NCS1: variants seen among roughly 807,000 people sequenced by gnomAD.
NCS1 encodes neuronal calcium sensor 1, also known as frequenin homolog.
NCS1 carries 6 observed loss-of-function variants against 28.4 expected under a neutral mutation model. That is an observed-to-expected ratio of 0.21 (90% CI 0.12 to 0.42). NCS1 has a LOEUF of 0.42. Among genes scored for constraint, NCS1 ranks in the 10% least tolerant of loss-of-function variants. The probability of loss-of-function intolerance (pLI) is 1.00; values close to 1 mark genes in which losing one functional copy is unlikely to be tolerated. For missense variants in NCS1, 131 were observed against 241.4 expected, an observed-to-expected ratio of 0.54 and a Z score of 3.03; for synonymous variants, 86 against 99.3, an observed-to-expected ratio of 0.87 and a Z score of 0.79.
chr9:130,199,631 C>G (rs1832916349), intron 1 of NCS1, among the ~76,000 whole-genome samples: 1 of 152,222 alleles, frequency 6.6e-6, no homozygotes. Flanking sequence ...GTGCCATCCT[C>G]CCTCCATGCT....
rs186245617 is a variant in NCS1 at position 130,173,578 on chromosome 9, T to A, written c.64+851T>A. Among the ~76,000 whole-genome samples, 273 of 152,170 alleles carry A rather than the reference T, an allele frequency of 1.8e-3. 1 individual carries two copies. Among genetic ancestry groups the A allele is most frequent in the African/African-American group, 6.4e-3 (267 of 41,532 alleles). ...CATACCAGGGGTTAATGGTAATGGG[T>A]CCAGACCACCCAGGGGATTGCCAGA... On this transcript the variant is annotated intron_variant, in intron 1 of 7. Coordinates refer to ENST00000372398, the MANE Select transcript of NCS1 (RefSeq NM_014286.4).
intron 1 of NCS1, among the ~76,000 whole-genome samples, chr9:130,190,163 C>T (rs1832799253): frequency 6.6e-6 from 1 of 151,580 alleles, no homozygotes; most frequent in Admixed American, 6.6e-5. Flanking sequence ...ACTTACCCAC[C>T]TAAAACAAGA....
chr9:130,192,389 G>A lies in NCS1; in HGVS notation c.65-8569G>A, dbSNP rs71501110. 0.022 allele frequency among the ~76,000 whole-genome samples: 3,291 copies of A among 152,100 alleles called. 51 individuals carry two copies. Among genetic ancestry groups the A allele is most frequent in the Middle Eastern group, 0.058 (17 of 294 alleles). ...CCACGTTGTCTGGCCCAGAGCCTGT[G>A]CCCACCTTCCTGTCCTCACTCCAGC... On this transcript the variant is annotated intron_variant, in intron 1 of 7. Transcript: ENST00000372398. The surrounding 1 kb of genome is among the most constrained non-coding windows in gnomAD (Gnocchi z 4.8).
chr9:130,228,229 G>C (rs1479382080), intron 7 of NCS1, among the ~76,000 whole-genome samples: 1 of 151,134 alleles, frequency 6.6e-6, no homozygotes, highest in Non-Finnish European at 1.5e-5. Flanking sequence ...CTGTTACCCA[G>C]CCACCAGGTC....
intron 2 of NCS1, among the ~76,000 whole-genome samples, 163 bp downstream of exon 2, chr9:130,201,145 C>T (rs1001668115): frequency 3.9e-5 from 6 of 152,074 alleles, no homozygotes; most frequent in Non-Finnish European, 5.9e-5. Context: ...TTTGTCCTTG[C>T]GGGACTGACG....
At chr9:130,217,770 G>A in intron 2 of NCS1, 62 bp from the exon 3 acceptor site, 1 of 1,611,084 alleles carries the variant, frequency 6.2e-7, no homozygotes, top group East Asian at 2.2e-5. Context: ...AGGCGATGTT[G>A]GTGGTGGGTG....
intron 1 of NCS1, chr9:130,200,534 A>G (rs1333588403): frequency 1.9e-6 from 3 of 1,549,398 alleles, no homozygotes; most frequent in Non-Finnish European, 2.6e-6. Flanking sequence ...CCCCCCACAT[A>G]GGTGGGGCAG....
intron 1 of NCS1, among the ~76,000 whole-genome samples, chr9:130,176,971 T>C (rs941424994): frequency 1.3e-5 from 2 of 152,186 alleles, no homozygotes; most frequent in Admixed American, 1.3e-4. Context: ...CTCCCCATGA[T>C]GTTTGCGGTC....
In NCS1 at chr9:130,181,805, C is replaced by T. The variant is rs902489249; in HGVS notation, c.64+9078C>T. On this transcript the variant is annotated intron_variant, in intron 1 of 7. Coordinates refer to ENST00000372398, the MANE Select transcript of NCS1 (RefSeq NM_014286.4). This position sits in a 1 kb window ranked among gnomAD's most constrained non-coding sequence, Gnocchi z 5.0. ...AGTCCCGATTCACGTGGGCACGCTCCGAGCGTGAGTGACGGGGTCATGGCG... is the reference window on the plus strand; with the variant it reads ...AGTCCCGATTCACGTGGGCACGCTCTGAGCGTGAGTGACGGGGTCATGGCG... Among the ~76,000 whole-genome samples, 79 of 152,150 alleles carry T rather than the reference C, an allele frequency of 5.2e-4. 3 individuals carry two copies. The highest frequency in any genetic ancestry group is 5.8e-4 in the East Asian group (3 of 5,158).
At chr9:130,218,011 C>G (rs1458079001) in intron 3 of NCS1, 41 bp downstream of exon 3, 1 of 1,613,034 alleles carries the variant, frequency 6.2e-7, no homozygotes, top group African/African-American at 1.3e-5. Flanking sequence ...GCTGGCTCAG[C>G]TCCTGTGGGT....
In NCS1 at chr9:130,191,959, G is replaced by A. The variant is rs1376546808; in HGVS notation, c.65-8999G>A. Among the ~76,000 whole-genome samples the A allele has an allele frequency of 6.6e-6, 1 of 152,230 alleles. No homozygotes were observed. The highest frequency in any genetic ancestry group is 1.5e-5 in the Non-Finnish European group (1 of 68,050). On this transcript the variant is annotated intron_variant, in intron 1 of 7. Coordinates refer to ENST00000372398, the MANE Select transcript of NCS1 (RefSeq NM_014286.4). This position sits in a 1 kb window ranked among gnomAD's most constrained non-coding sequence, Gnocchi z 6.4. ...AGTGGGGACACGTGATGGGGGGCTG[G>A]AGGGCAGAAGGGCTGGGGAACGCGC...
At chr9:130,220,800 G>C (rs1554910162) in intron 4 of NCS1, among the ~76,000 whole-genome samples, 1 of 148,062 alleles carries the variant, frequency 6.8e-6, no homozygotes, top group Non-Finnish European at 1.5e-5. Context: ...TTATGCAAAA[G>C]CTCCTCCTCT....
In NCS1 at chr9:130,219,758, G is replaced by A; in HGVS notation, c.262G>A (p.Ala88Thr). ...AATTGAGTTCTCCGAGTTCATCCAG[G>A]CGCTGTCGGTGACCTCACGGGGAAC... ...GRIEFSEFIQ[A>T]LSVTSRGTLD... is the part of the protein sequence containing the mutation. Residue 88 changes from alanine to threonine, a missense_variant, in exon 4 of 8, where the codon GCG becomes ACG. Transcript: ENST00000372398. This position sits in a 1 kb window ranked among gnomAD's most constrained non-coding sequence, Gnocchi z 5.7. The A allele has an allele frequency of 6.2e-7, 1 of 1,614,242 alleles. No homozygotes were observed. The highest frequency in any genetic ancestry group is 8.5e-7 in the Non-Finnish European group (1 of 1,180,038).
At position 130,231,533 on chromosome 9, in the gene NCS1, A is replaced by G. The variant is rs955575210; in HGVS notation, c.*18-1457A>G. ...TGAGTAGCTGGGATTACAGGCACAC[A>G]CCACCACGCCCAGCTAATTTTTGTA... On this transcript the variant is annotated intron_variant, in intron 7 of 7. Transcript: ENST00000372398. 9.9e-5 allele frequency among the ~76,000 whole-genome samples: 15 copies of G among 151,552 alleles called. No individual in the cohort carries two copies. The South Asian group carries it at 1.7e-3, about 17-fold the overall frequency.
chr9:130,214,152 A>T (rs1157327701), intron 2 of NCS1, among the ~76,000 whole-genome samples: 1 of 152,204 alleles, frequency 6.6e-6, no homozygotes, highest in Non-Finnish European at 1.5e-5. Flanking sequence ...GCGTGGAGGC[A>T]CATATGGTAT....
Position 130,219,852 on chromosome 9 carries a change from G to C in NCS1, c.307+49G>C. The C allele has an allele frequency of 6.3e-7, 1 of 1,591,414 alleles. No individual in the cohort carries two copies. On this transcript the variant is annotated intron_variant, in intron 4 of 7. Transcript: ENST00000372398. The surrounding 1 kb of genome is among the most constrained non-coding windows in gnomAD (Gnocchi z 5.7). ...GTGTGGCAGCAGCTGGAGGGCCCAG[G>C]TCAGAGGGAGGCAGCCCTCGGCCCT...
At chr9:130,210,711 C>T (rs1318530299) in intron 2 of NCS1, among the ~76,000 whole-genome samples, 3 of 152,110 alleles carry the variant, frequency 2.0e-5, no homozygotes, top group Non-Finnish European at 4.4e-5. Context: ...TGAGGGGAAC[C>T]GTCACCTGCC....
At chr9:130,189,954 C>T (rs1554906076) in intron 1 of NCS1, among the ~76,000 whole-genome samples, 2 of 142,808 alleles carry the variant, frequency 1.4e-5, no homozygotes, top group African/African-American at 5.4e-5. Flanking sequence ...ATGTGGCTTA[C>T]TTCCTTTTGG....
chr9:130,226,624 T>C lies in NCS1; in HGVS notation c.*17+120T>C. ...GTCTCTGGGGGTGTTGTGGTCAGCC[T>C]AGCAGGGACATAGCTGGGAGGAGGA... On this transcript the variant is annotated intron_variant, in intron 7 of 7. Transcript: ENST00000372398. The surrounding 1 kb of genome is among the most constrained non-coding windows in gnomAD (Gnocchi z 4.8). 1 of 731,618 alleles carries C rather than the reference T, an allele frequency of 1.4e-6. No individual in the cohort carries two copies. Among genetic ancestry groups the C allele is most frequent in the East Asian group, 2.8e-5 (1 of 36,280 alleles). 45.3% of individuals were successfully genotyped at this position (731,618 alleles called of 1,614,324 possible). A position where few individuals can be genotyped will look rare whatever the true frequency, so the allele number is the denominator to read the frequency against.
Sources: allele counts gnomAD v4.1 joint callset (sites outside exome capture counted in the v4.1 genomes callset), GRCh38; gene constraint gnomAD v4.1.1; non-coding constraint Gnocchi (gnomAD v3.1); transcripts MANE v1.5; gene names NCBI Gene and HGNC (gene_info 2026-07-23, HGNC 2026-07-21).